The following PKM variants were observed in gnomAD, a reference collection of about 807,000 sequenced individuals.
PKM encodes the protein pyruvate kinase M1/2.
A neutral mutation model predicts 49.8 loss-of-function variants in PKM; 18 were observed. The ratio of observed to expected loss-of-function variants is 0.36; its 90% CI spans 0.25 to 0.54. PKM has a LOEUF of 0.54. PKM is among the 20% of genes least tolerant of loss of function. PKM has a pLI of 0.89. For missense variants in PKM, 508 were observed against 713.8 expected, an observed-to-expected ratio of 0.71 and a Z score of 3.28; for synonymous variants, 239 against 261.8, an observed-to-expected ratio of 0.91 and a Z score of 0.84.
chr15:72,218,427 ATTT>A (rs1027062912), intron 2 of PKM, among the ~76,000 whole-genome samples: 1 of 150,040 alleles, frequency 6.7e-6, no homozygotes, highest in African/African-American at 2.5e-5. Flanking sequence ...CGCCCGGACA[ATTT>A]TTTTTTCTTA....
chr15:72,222,241 T>C (rs1218706901), intron 1 of PKM, among the ~76,000 whole-genome samples: 1 of 152,228 alleles, frequency 6.6e-6, no homozygotes, highest in Non-Finnish European at 1.5e-5. Flanking sequence ...AAAAAAAGCT[T>C]GCTTGTCAGC....
chr15:72,221,819 A>T (rs1018506583), intron 1 of PKM, among the ~76,000 whole-genome samples: 11 of 142,192 alleles, frequency 7.7e-5, no homozygotes, highest in African/African-American at 2.5e-4. Flanking sequence ...GGTTGTGATT[A>T]AAAAAAAAAA....
chr15:72,200,133 A>T lies in PKM; in HGVS notation c.1489+341T>A, dbSNP rs8192429. 3.6e-4 allele frequency among the ~76,000 whole-genome samples: 52 copies of T among 142,850 alleles called. No homozygotes were observed. The highest frequency in any genetic ancestry group is 1.5e-3 in the South Asian group (7 of 4,610). The allele number at this position is 142,850 out of a possible 152,430, so 93.7% of individuals were successfully genotyped here. ...ACAGGAGCTGTGGCCAATTTTATTT[A>T]AAAAAAAAACAAAAAACAAAAAAAA... On this transcript the variant is annotated intron_variant, in intron 10 of 10. Transcript: ENST00000335181. This position sits in a 1 kb window ranked among gnomAD's most constrained non-coding sequence, Gnocchi z 4.6.
intron 1 of PKM, among the ~76,000 whole-genome samples, chr15:72,221,549 G>T (rs1202199231): frequency 6.7e-6 from 1 of 148,538 alleles, no homozygotes; most frequent in East Asian, 2.0e-4. Context: ...GACGTCATTG[G>T]GGTGGTAGGA....
intron 5 of PKM, 93 bp from the exon 6 acceptor site, chr15:72,208,984 A>G: frequency 7.3e-7 from 1 of 1,368,764 alleles, no homozygotes; most frequent in Non-Finnish European, 1.0e-6. Context: ...TGAGCTGGGA[A>G]GTGGTGCATT....
intron 8 of PKM, among the ~76,000 whole-genome samples, chr15:72,205,624 GTTTT>G (rs140232218): frequency 7.0e-5 from 7 of 99,706 alleles, no homozygotes; most frequent in South Asian, 3.4e-4. Context: ...GGGTGTTTTA[GTTTT>G]TTTTTTTTTT....
In PKM at chr15:72,227,455, C is replaced by G. The variant is rs548964676; in HGVS notation, c.-14+3661G>C. Among the ~76,000 whole-genome samples the G allele has an allele frequency of 5.9e-5, 9 of 152,318 alleles. No homozygotes were observed. In the East Asian group the frequency reaches 1.7e-3, roughly 29 times the overall value. ...ACATCCTGACTTGCCTTCATAAAAG[C>G]TGAAGCAGGCCAGGTGCAGTGGCTC... is the stretch of plus-strand genomic sequence containing the variant. On this transcript the variant is annotated intron_variant, in intron 1 of 10. Coordinates refer to ENST00000335181, the MANE Select transcript of PKM (RefSeq NM_002654.6).
chr15:72,211,319 G>C (rs577653867), intron 3 of PKM, among the ~76,000 whole-genome samples: 1 of 152,002 alleles, frequency 6.6e-6, no homozygotes, highest in Non-Finnish European at 1.5e-5. Context: ...CGCCCACCTC[G>C]GCCTCCCAAA....
Position 72,200,535 on chromosome 15 carries a change from G to A in PKM, c.1428C>T (p.Asp476=), listed in dbSNP as rs1343988942. The A allele has an allele frequency of 6.2e-7, 1 of 1,613,828 alleles. No individual in the cohort carries two copies. Among genetic ancestry groups the A allele is most frequent in the Non-Finnish European group, 8.5e-7 (1 of 1,179,928 alleles). Residue 476 remains aspartate, a synonymous_variant, in exon 10 of 11, where the codon GAC becomes GAT. Transcript: ENST00000335181. This position sits in a 1 kb window ranked among gnomAD's most constrained non-coding sequence, Gnocchi z 4.6. The stretch of plus-strand genomic sequence containing the variant: ...CCTCAGCCCAGGCCTCCTGGACTGG[G>A]TCCTTGCACAGCACAGGGAAGATGC... ...YRGIFPVLCK[D]PVQEAWAEDV...
rs200738909 is a variant in PKM at position 72,199,642 on chromosome 15, G to A, written c.*8C>T. 1.6e-4 allele frequency: 258 copies of A among 1,602,242 alleles called. 2 individuals are homozygous for A. Among genetic ancestry groups the A allele is most frequent in the Non-Finnish European group, 2.1e-4 (248 of 1,169,556 alleles). ...GGACAGGGGCTGGAGGAGGGGCTCT[G>A]GGGTCCATCACGGCACAGGAACAAC... On this transcript the variant is annotated 3_prime_UTR_variant, in exon 11 of 11. Coordinates refer to ENST00000335181, the MANE Select transcript of PKM (RefSeq NM_002654.6).
Position 72,202,849 on chromosome 15 carries a change from C to G in PKM, c.1141-229G>C. On this transcript the variant is annotated intron_variant, in intron 8 of 10. Transcript: ENST00000335181. The surrounding 1 kb of genome is among the most constrained non-coding windows in gnomAD (Gnocchi z 4.5). ...GTGCCTGTGACATCTACTGTGCCTA[C>G]TGAGCCACAGGACCCTTTGGTCCTG... 2 of 749,984 alleles carry G rather than the reference C, an allele frequency of 2.7e-6. No individual in the cohort carries two copies. The highest frequency in any genetic ancestry group is 2.6e-5 in the East Asian group (1 of 37,998). 46.5% of individuals were successfully genotyped at this position (749,984 alleles called of 1,614,324 possible).
chr15:72,200,830 C>A lies in PKM; in HGVS notation c.1308-175G>T. The A allele has an allele frequency of 1.7e-6, 1 of 596,102 alleles. No homozygotes were observed. The highest frequency in any genetic ancestry group is 3.0e-6 in the Non-Finnish European group (1 of 336,146). 36.9% of individuals were successfully genotyped at this position (596,102 alleles called of 1,614,324 possible). A position where few individuals can be genotyped will look rare whatever the true frequency, so the allele number is the denominator to read the frequency against. ...CGGGCAGCCCCTCATCCTATATCCCCCACAGCATGCTAGGTTACCATTTGC... is the reference window on the plus strand; with the variant it reads ...CGGGCAGCCCCTCATCCTATATCCCACACAGCATGCTAGGTTACCATTTGC... On this transcript the variant is annotated intron_variant, in intron 9 of 10. Transcript: ENST00000335181. This position sits in a 1 kb window ranked among gnomAD's most constrained non-coding sequence, Gnocchi z 4.6.
At chr15:72,229,517 G>A (rs1488339869) in intron 1 of PKM, 6 of 1,262,664 alleles carry the variant, frequency 4.8e-6, no homozygotes, top group African/African-American at 4.6e-5. Flanking sequence ...TCTGGAGTAC[G>A]TAGATTAAGA....
rs548837768 is a variant in PKM at position 72,222,273 on chromosome 15, C to G, written c.-13-3163G>C. On this transcript the variant is annotated intron_variant, in intron 1 of 10. Transcript: ENST00000335181. ...CAGCAAGTTCATCCAGACTCCAGAT[C>G]TCATGTGTCCTTCATGCTCTCTACC... is the stretch of plus-strand genomic sequence containing the variant. Among the ~76,000 whole-genome samples the G allele has an allele frequency of 1.6e-4, 25 of 152,314 alleles. 1 individual carries two copies. The highest frequency in any genetic ancestry group is 9.8e-4 in the Admixed American group (15 of 15,304).
At chr15:72,207,019 T>C in intron 7 of PKM, 108 bp downstream of exon 7, 1 of 1,488,204 alleles carries the variant, frequency 6.7e-7, no homozygotes, top group Non-Finnish European at 9.4e-7. Context: ...GGATTATCTG[T>C]GTGTTACGTG....
In PKM at chr15:72,219,067, C is replaced by T. The variant is rs971491249; in HGVS notation, c.31G>A (p.Ala11Thr). MSKPHSEAGT[A>T]FIQTQQLHAA... ...TGCAGCTGCTGGGTCTGAATGAAGG[C>T]AGTCCCGGCTTCACTATGGGGCTTC... Residue 11 changes from alanine (A) to threonine (T), a missense_variant, in exon 2 of 11, where the codon GCC becomes ACC. By Grantham distance (58) the Ala-to-Thr change is moderately conservative. Coordinates refer to ENST00000335181, the MANE Select transcript of PKM (RefSeq NM_002654.6). The T allele has an allele frequency of 6.2e-7, 1 of 1,614,072 alleles. No homozygotes were observed. The highest frequency in any genetic ancestry group is 1.3e-5 in the African/African-American group (1 of 74,932).
intron 1 of PKM, among the ~76,000 whole-genome samples, chr15:72,223,198 G>A (rs1413340954): frequency 2.0e-5 from 3 of 151,808 alleles, no homozygotes; most frequent in African/African-American, 4.8e-5. Flanking sequence ...ACTTCTTAGG[G>A]CCAGGACTGT....
Position 72,208,670 on chromosome 15 carries a change from T to C in PKM, c.787A>G (p.Lys263Glu). 1.2e-6 allele frequency: 2 copies of C among 1,614,132 alleles called. No homozygotes were observed. The highest frequency in any genetic ancestry group is 1.7e-6 in the Non-Finnish European group (2 of 1,180,018). ...EVRKVLGEKGKNIKIISKIEN... is the reference protein window; with the variant it reads ...EVRKVLGEKGENIKIISKIEN... ...ATTTTGCTGATAATCTTGATGTTCTTTCCCTTCTCTCCCAGGACCTTCCTA... is the reference window on the plus strand; with the variant it reads ...ATTTTGCTGATAATCTTGATGTTCTCTCCCTTCTCTCCCAGGACCTTCCTA... The change falls in exon 6 of 11, where the codon AAG becomes GAG. Residue 263 changes from lysine (K) to glutamate (E), a missense_variant. Transcript: ENST00000335181.
intron 4 of PKM, 191 bp downstream of exon 4, chr15:72,210,156 A>G (rs1395558618): frequency 4.0e-6 from 3 of 754,944 alleles, no homozygotes; most frequent in Non-Finnish European, 6.6e-6. Context: ...CCTTTGTGGT[A>G]CCATTTCCTA....
Sources: gnomAD v4.1 joint callset for allele counts (sites outside exome capture counted in the v4.1 genomes callset) on GRCh38, gnomAD v4.1.1 for gene constraint, Gnocchi (gnomAD v3.1) non-coding constraint, MANE v1.5 for transcripts, NCBI Gene and HGNC (gene_info 2026-07-23, HGNC 2026-07-21) for gene names.